Variants in HACE1 observed in about 807,000 individuals in gnomAD.
The protein encoded by HACE1 is E3 ubiquitin-protein ligase HACE1.
A neutral mutation model predicts 118.4 loss-of-function variants in HACE1; 73 were observed. The ratio of observed to expected loss-of-function variants is 0.62; its 90% CI spans 0.51 to 0.75. The LOEUF is 0.75. Ranked by LOEUF, HACE1 falls within the 30% of genes least tolerant of loss-of-function variation. The probability of loss-of-function intolerance (pLI) is 0.00; values close to 1 mark genes in which losing one functional copy is unlikely to be tolerated. For synonymous variants in HACE1, 368 were observed against 374.8 expected (o/e 0.98, Z 0.21); for missense variants, 749 against 1,102.2 (o/e 0.68, Z 4.54).
chr6:104,744,053 A>C, intron 22 of HACE1, 107 bp downstream of exon 22: 1 of 748,906 alleles, frequency 1.3e-6, no homozygotes, highest in Non-Finnish European at 2.4e-6. Flanking sequence ...AAAGGGTGGT[A>C]AGTTACTGAC....
intron 7 of HACE1, among the ~76,000 whole-genome samples, chr6:104,805,786 A>G (rs1002068188): frequency 2.3e-4 from 35 of 152,132 alleles, no homozygotes; most frequent in African/African-American, 8.2e-4. Flanking sequence ...GCAAACCAAC[A>G]TGGCACATGT....
At chr6:104,739,248 A>T (rs757963374) in intron 22 of HACE1, among the ~76,000 whole-genome samples, 1 of 152,194 alleles carries the variant, frequency 6.6e-6, no homozygotes, top group African/African-American at 2.4e-5. Context: ...CTAGGAAGAA[A>T]CTATATCAAC....
chr6:104,804,079 C>T (rs993445688), intron 7 of HACE1, among the ~76,000 whole-genome samples: 5 of 152,042 alleles, frequency 3.3e-5, no homozygotes, highest in Non-Finnish European at 7.4e-5. Context: ...AACAGACAAA[C>T]AGAGAGCCAA....
At chr6:104,731,048 A>G (rs142929114) in intron 22 of HACE1, 153 of 157,076 alleles carry the variant, frequency 9.7e-4, no homozygotes, top group Non-Finnish European at 1.8e-3. Context: ...AGGCTAACAT[A>G]TAATGCATAA....
chr6:104,736,810 C>A (rs1775891389), intron 22 of HACE1, among the ~76,000 whole-genome samples: 1 of 151,836 alleles, frequency 6.6e-6, no homozygotes, highest in African/African-American at 2.4e-5. Context: ...TAGTGTGAGT[C>A]CAACTATTTT....
At chr6:104,779,570 A>G (rs575516191) in intron 14 of HACE1, among the ~76,000 whole-genome samples, 43 of 152,290 alleles carry the variant, frequency 2.8e-4, no homozygotes, top group African/African-American at 8.4e-4. Flanking sequence ...TCTCATTTTC[A>G]GTTAACAAGC....
chr6:104,773,494 C>T (rs1780857509), intron 17 of HACE1, among the ~76,000 whole-genome samples: 1 of 152,088 alleles, frequency 6.6e-6, no homozygotes, highest in African/African-American at 2.4e-5. Context: ...GAATAATTCA[C>T]TGTCATGAAG....
intron 6 of HACE1, among the ~76,000 whole-genome samples, chr6:104,815,530 T>C (rs1772022418): frequency 7.4e-6 from 1 of 135,916 alleles, no homozygotes; most frequent in Non-Finnish European, 1.6e-5. Context: ...CCCAGCTAAT[T>C]TTTTCTGTTT....
chr6:104,769,154 C>A (rs1293134757), intron 19 of HACE1, among the ~76,000 whole-genome samples: 1 of 152,070 alleles, frequency 6.6e-6, no homozygotes, highest in East Asian at 1.9e-4. Context: ...CCCACCTCAG[C>A]CTCCAGAATA....
chr6:104,859,529 C>A, intron 1 of HACE1, 38 bp downstream of exon 1: 1 of 1,462,480 alleles, frequency 6.8e-7, no homozygotes, highest in South Asian at 1.3e-5. Context: ...TGGCCGCCCC[C>A]AGCCCCGCGG....
intron 1 of HACE1, among the ~76,000 whole-genome samples, chr6:104,853,178 G>A (rs1255188418): frequency 1.2e-4 from 18 of 152,118 alleles, no homozygotes; most frequent in South Asian, 2.1e-4. Flanking sequence ...CTCTCTCACC[G>A]TTCTGCCTTC....
At chr6:104,797,060 C>A (rs753873181) in intron 7 of HACE1, 35 bp from the exon 8 acceptor site, 4 of 1,125,612 alleles carry the variant, frequency 3.6e-6, no homozygotes, top group Non-Finnish European at 5.4e-6. Flanking sequence ...AAAATACAAT[C>A]TTTTTAAAGT....
chr6:104,787,924 T>C (rs546654141), intron 11 of HACE1, among the ~76,000 whole-genome samples: 67 of 152,298 alleles, frequency 4.4e-4, no homozygotes, highest in Admixed American at 3.7e-3. Context: ...GACCTTTCTT[T>C]ACTTTTCTCT....
intron 10 of HACE1, among the ~76,000 whole-genome samples, chr6:104,793,512 T>A (rs1783291051): frequency 6.6e-6 from 1 of 152,204 alleles, no homozygotes; most frequent in Non-Finnish European, 1.5e-5. Flanking sequence ...ATGTTTATTA[T>A]CTTTAGCAAA....
At chr6:104,737,448 T>C (rs1248427681) in intron 22 of HACE1, among the ~76,000 whole-genome samples, 1 of 152,090 alleles carries the variant, frequency 6.6e-6, no homozygotes, top group Non-Finnish European at 1.5e-5. Flanking sequence ...TGGCAGACAG[T>C]GGGCGCAGGT....
intron 6 of HACE1, among the ~76,000 whole-genome samples, chr6:104,819,618 C>T (rs371208450): frequency 3.2e-4 from 48 of 152,136 alleles, no homozygotes; most frequent in African/African-American, 1.0e-3. Context: ...GGAGGCATCA[C>T]GCTACCCAAC....
intron 5 of HACE1, among the ~76,000 whole-genome samples, chr6:104,834,598 G>A (rs1162220223): frequency 2.0e-5 from 3 of 152,088 alleles, no homozygotes; most frequent in Non-Finnish European, 4.4e-5. Context: ...GGAAATGAGA[G>A]TAAAGAGTAT....
chr6:104,842,364 G>A (rs1183040161), intron 5 of HACE1: 1 of 152,228 alleles, frequency 6.6e-6, no homozygotes, highest in Non-Finnish European at 1.5e-5. Context: ...CTAGCACTTT[G>A]GGAGGCCGGC....
chr6:104,752,938 T>C (rs987556297), intron 19 of HACE1, among the ~76,000 whole-genome samples: 8 of 152,186 alleles, frequency 5.3e-5, no homozygotes, highest in African/African-American at 1.7e-4. Flanking sequence ...AACTAAATTA[T>C]TTTTCAATAA....
Sources: allele counts gnomAD v4.1 joint callset (sites outside exome capture counted in the v4.1 genomes callset), GRCh38; gene constraint gnomAD v4.1.1; transcripts MANE v1.5; gene names NCBI Gene and HGNC (gene_info 2026-07-23, HGNC 2026-07-21).